The following LRMDA variants were observed in gnomAD, a reference collection of about 807,000 sequenced individuals.
The protein encoded by LRMDA is leucine-rich melanocyte differentiation-associated protein.
A neutral mutation model predicts 29.8 loss-of-function variants in LRMDA; 18 were observed. That is an observed-to-expected ratio of 0.60 (90% CI 0.42 to 0.90). LRMDA has a LOEUF of 0.90. Among genes scored for constraint, LRMDA ranks in the 40% least tolerant of loss-of-function variants. LRMDA has a pLI of 0.00. For synonymous variants in LRMDA, 125 were observed against 109.4 expected (o/e 1.14, Z -0.89); for missense variants, 273 against 273.9 (o/e 1.00, Z 0.02).
intron 2 of LRMDA, among the ~76,000 whole-genome samples, chr10:75,695,223 T>A (rs540855206): frequency 2.8e-4 from 42 of 152,160 alleles, no homozygotes; most frequent in East Asian, 5.8e-4. Context: ...TCTGGTTTTT[T>A]AAAAAAAATA....
intron 2 of LRMDA, chr10:75,642,644 G>A (rs577554399): frequency 6.6e-6 from 1 of 152,376 alleles, no homozygotes; most frequent in Non-Finnish European, 1.5e-5. Context: ...TGCAGTGGAT[G>A]AATTTTTGGC....
At chr10:75,612,383 A>G (rs1841043802) in intron 2 of LRMDA, among the ~76,000 whole-genome samples, 1 of 151,540 alleles carries the variant, frequency 6.6e-6, no homozygotes, top group Middle Eastern at 3.4e-3. Flanking sequence ...GAGAAACTCT[A>G]AAAATATAGC....
chr10:76,028,837 G>A (rs77628693), intron 2 of LRMDA, among the ~76,000 whole-genome samples: 1 of 39,936 alleles, frequency 2.5e-5, no homozygotes, highest in Admixed American at 3.1e-4. Flanking sequence ...TTTTTTTTTT[G>A]AGCCGAGTCT....
chr10:76,286,918 A>G (rs1431736230), intron 5 of LRMDA, among the ~76,000 whole-genome samples: 1 of 152,202 alleles, frequency 6.6e-6, no homozygotes, highest in African/African-American at 2.4e-5. Context: ...CTATAGTGGT[A>G]AAAGCAGGCT....
At chr10:76,219,341 C>A (rs1292953859) in intron 5 of LRMDA, among the ~76,000 whole-genome samples, 2 of 152,092 alleles carry the variant, frequency 1.3e-5, no homozygotes, top group African/African-American at 4.8e-5. Flanking sequence ...AAATTCGAGA[C>A]CCATCAGTGT....
chr10:76,015,917 T>C (rs558315449), intron 2 of LRMDA, among the ~76,000 whole-genome samples: 1 of 152,354 alleles, frequency 6.6e-6, no homozygotes, highest in South Asian at 2.1e-4. Context: ...CATCTCAGAA[T>C]CTACTTCTTT....
intron 5 of LRMDA, among the ~76,000 whole-genome samples, chr10:76,312,310 G>T (rs930362431): frequency 1.3e-5 from 2 of 152,002 alleles, no homozygotes; most frequent in African/African-American, 4.8e-5. Context: ...TTATGAACTG[G>T]GCTGTCATCT....
At chr10:75,727,238 T>C (rs1842641819) in intron 2 of LRMDA, among the ~76,000 whole-genome samples, 1 of 152,172 alleles carries the variant, frequency 6.6e-6, no homozygotes, top group South Asian at 2.1e-4. Context: ...TGGGATGGAA[T>C]CTCGATCAGT....
chr10:75,473,016 T>C (rs1844744093), intron 2 of LRMDA, among the ~76,000 whole-genome samples: 1 of 152,224 alleles, frequency 6.6e-6, no homozygotes, highest in Admixed American at 6.5e-5. Context: ...TCAGATCAGG[T>C]TTACCTAGCA....
At chr10:75,706,857 A>T (rs907449409) in intron 2 of LRMDA, among the ~76,000 whole-genome samples, 1 of 152,020 alleles carries the variant, frequency 6.6e-6, no homozygotes, top group Non-Finnish European at 1.5e-5. Flanking sequence ...CTTTGTCTAA[A>T]GACATGTAGA....
At chr10:76,387,477 C>T (rs1350996176) in intron 6 of LRMDA, among the ~76,000 whole-genome samples, 4 of 151,722 alleles carry the variant, frequency 2.6e-5, no homozygotes, top group Non-Finnish European at 5.9e-5. Context: ...GGTGCACGTG[C>T]GTGTAATCCC....
chr10:76,357,658 A>C (rs1044774793), intron 6 of LRMDA, among the ~76,000 whole-genome samples: 3 of 152,158 alleles, frequency 2.0e-5, no homozygotes, highest in Non-Finnish European at 4.4e-5. Context: ...GCAGAGACCA[A>C]CTTATCCAAT....
chr10:76,084,194 C>G (rs1292168598), intron 5 of LRMDA, among the ~76,000 whole-genome samples: 3 of 150,592 alleles, frequency 2.0e-5, no homozygotes, highest in Non-Finnish European at 2.9e-5. Context: ...TTTCTTTTCT[C>G]TATTTATTTA....
chr10:76,549,738 A>G (rs1241526687), intron 6 of LRMDA, among the ~76,000 whole-genome samples: 2 of 152,244 alleles, frequency 1.3e-5, no homozygotes, highest in Non-Finnish European at 2.9e-5. Flanking sequence ...AAAAAAGGAC[A>G]GCAACTAATC....
At chr10:76,013,077 T>TTAG (rs1414076563) in intron 2 of LRMDA, among the ~76,000 whole-genome samples, 1 of 152,108 alleles carries the variant, frequency 6.6e-6, no homozygotes, top group Non-Finnish European at 1.5e-5. Flanking sequence ...TTAGTACTAA[T>TTAG]TACCTCAGCA....
At chr10:75,566,055 A>G (rs1405584226) in intron 2 of LRMDA, among the ~76,000 whole-genome samples, 3 of 152,186 alleles carry the variant, frequency 2.0e-5, no homozygotes, top group Non-Finnish European at 2.9e-5. Flanking sequence ...AGCCTGGGTG[A>G]CAGAGTGAGA....
At chr10:75,500,280 G>A (rs1845097018) in intron 2 of LRMDA, among the ~76,000 whole-genome samples, 1 of 152,074 alleles carries the variant, frequency 6.6e-6, no homozygotes, top group African/African-American at 2.4e-5. Context: ...TTTTTCTGAT[G>A]ACCACTAAGA....
intron 2 of LRMDA, among the ~76,000 whole-genome samples, chr10:75,588,620 ATTGT>A (rs1397820419): frequency 6.6e-6 from 1 of 152,010 alleles, no homozygotes; most frequent in East Asian, 1.9e-4. Context: ...TTATTTATTT[ATTGT>A]TTATCAGTTT....
intron 6 of LRMDA, among the ~76,000 whole-genome samples, chr10:76,383,620 C>CAA (rs1841622821): frequency 6.7e-6 from 1 of 149,314 alleles, no homozygotes; most frequent in Non-Finnish European, 1.5e-5. Flanking sequence ...TTAGTAGAGA[C>CAA]GGGGTTTCAC....
Sources: allele counts gnomAD v4.1 joint callset (sites outside exome capture counted in the v4.1 genomes callset), GRCh38; gene constraint gnomAD v4.1.1; transcripts MANE v1.5; gene names NCBI Gene and HGNC (gene_info 2026-07-23, HGNC 2026-07-21).